Variants in DPP10 observed in about 807,000 individuals in gnomAD.
The protein encoded by DPP10 is dipeptidyl peptidase like 10.
DPP10 carries 33 observed loss-of-function variants against 120.9 expected under a neutral mutation model. The observed-to-expected ratio is 0.27, with a 90% confidence interval of 0.21 to 0.37. The LOEUF (loss-of-function observed/expected upper bound fraction) is 0.37, where lower values mean the gene tolerates loss of function less well. Ranked by LOEUF, DPP10 falls within the 10% of genes least tolerant of loss-of-function variation. DPP10 has a pLI of 1.00. For missense variants in DPP10, 816 were observed against 942.8 expected, an observed-to-expected ratio of 0.87 and a Z score of 1.76; for synonymous variants, 337 against 326.1, an observed-to-expected ratio of 1.03 and a Z score of -0.36.
chr2:115,782,999 A>G (rs1387839163), intron 17 of DPP10, among the ~76,000 whole-genome samples: 1 of 152,096 alleles, frequency 6.6e-6, no homozygotes, highest in Non-Finnish European at 1.5e-5. Context: ...AAATAAATGC[A>G]TGGTTGAGCT....
chr2:115,218,666 T>G (rs1230583771), intron 1 of DPP10, among the ~76,000 whole-genome samples: 1 of 152,064 alleles, frequency 6.6e-6, no homozygotes, highest in Non-Finnish European at 1.5e-5. Flanking sequence ...TGGCTCTCTT[T>G]CCATACCAGG....
intron 1 of DPP10, among the ~76,000 whole-genome samples, chr2:114,865,910 C>G (rs1690187238): frequency 6.6e-6 from 1 of 151,976 alleles, no homozygotes. Flanking sequence ...GTAGGGAGTT[C>G]AAGACCAGCC....
At chr2:114,518,988 A>G (rs925084917) in intron 1 of DPP10, among the ~76,000 whole-genome samples, 1 of 152,208 alleles carries the variant, frequency 6.6e-6, no homozygotes, top group Non-Finnish European at 1.5e-5. Flanking sequence ...GTTAGGCTTT[A>G]ACTTAAGACA....
At chr2:114,589,040 G>A (rs960609382) in intron 1 of DPP10, among the ~76,000 whole-genome samples, 2 of 118,370 alleles carry the variant, frequency 1.7e-5, no homozygotes, top group South Asian at 5.4e-4. Flanking sequence ...GTTTTTTTGG[G>A]GGGGGGGGTA....
intron 5 of DPP10, among the ~76,000 whole-genome samples, chr2:115,573,439 C>T (rs916887418): frequency 7.3e-5 from 11 of 151,348 alleles, no homozygotes; most frequent in Middle Eastern, 6.8e-3. Flanking sequence ...CCCGCCACCA[C>T]GCCCGGCTAA....
intron 5 of DPP10, among the ~76,000 whole-genome samples, chr2:115,592,146 A>G (rs2082701247): frequency 6.6e-6 from 1 of 152,196 alleles, no homozygotes; most frequent in Non-Finnish European, 1.5e-5. Flanking sequence ...TTTAATGTGT[A>G]CACGTGAGAG....
At chr2:115,296,479 T>G (rs1192489142) in intron 1 of DPP10, among the ~76,000 whole-genome samples, 11 of 152,050 alleles carry the variant, frequency 7.2e-5, no homozygotes. Context: ...CACACCTTGT[T>G]CATCTTGAAG....
chr2:115,799,444 A>G (rs557596698), intron 19 of DPP10, among the ~76,000 whole-genome samples: 1 of 150,256 alleles, frequency 6.7e-6, no homozygotes, highest in South Asian at 2.1e-4. Context: ...TTTTATTAAT[A>G]TTATTATACT....
At chr2:114,961,066 T>TTTTTTTTTTTTTTTTTTTTTTTTG in intron 1 of DPP10, among the ~76,000 whole-genome samples, 1 of 72,520 alleles carries the variant, frequency 1.4e-5, no homozygotes, top group Non-Finnish European at 2.7e-5. Context: ...TTTTTTTTTT[T>TTTTTTTTTTTTTTTTTTTTTTTTG]TTTTGGCAGA....
chr2:114,479,317 G>A (rs10193990), intron 1 of DPP10, among the ~76,000 whole-genome samples: 2,946 of 151,598 alleles, frequency 0.019, 97 homozygotes, highest in African/African-American at 0.067. Context: ...TGAAATATGA[G>A]GAATCATTCT....
chr2:114,605,593 G>T (rs116633655), intron 1 of DPP10, among the ~76,000 whole-genome samples: 1 of 152,066 alleles, frequency 6.6e-6, no homozygotes. Flanking sequence ...TAGGCTACTC[G>T]TAGTTAAGTT....
chr2:115,142,570 A>G lies in DPP10; in HGVS notation c.61-166669A>G, dbSNP rs141592177. ...ATTTACTGCAGCTTTGAAAAACACG[A>G]ACTGAAAATCAGGGGTGAGTGTGGC... is the stretch of plus-strand genomic sequence containing the variant. On this transcript the variant is annotated intron_variant, in intron 1 of 25. Transcript: ENST00000410059. Among the ~76,000 whole-genome samples, 252 of 152,324 alleles carry G rather than the reference A, an allele frequency of 1.7e-3. 7 individuals carry two copies. Among genetic ancestry groups the G allele is most frequent in the African/African-American group, 5.6e-3 (233 of 41,572 alleles).
intron 1 of DPP10, among the ~76,000 whole-genome samples, chr2:114,906,445 TATC>T (rs1693971499): frequency 6.6e-6 from 1 of 152,104 alleles, no homozygotes; most frequent in Non-Finnish European, 1.5e-5. Flanking sequence ...TTCCTCATCT[TATC>T]AGGATAATGT....
At chr2:114,566,628 T>C (rs1449825034) in intron 1 of DPP10, among the ~76,000 whole-genome samples, 2 of 152,192 alleles carry the variant, frequency 1.3e-5, no homozygotes, top group African/African-American at 4.8e-5. Context: ...TATTTTTAAT[T>C]CTGATTGAAT....
chr2:115,659,644 T>C (rs1484788119), intron 5 of DPP10, among the ~76,000 whole-genome samples: 1 of 152,202 alleles, frequency 6.6e-6, no homozygotes, highest in East Asian at 1.9e-4. Flanking sequence ...GGTATGTCCA[T>C]AGGTGTAAAA....
chr2:115,052,410 C>T (rs965247469), intron 1 of DPP10, among the ~76,000 whole-genome samples: 15 of 151,950 alleles, frequency 9.9e-5, no homozygotes, highest in Non-Finnish European at 1.9e-4. Context: ...TGAGAAATAA[C>T]GTTTGCAAAT....
chr2:115,317,577 C>A (rs1266452306), intron 2 of DPP10, among the ~76,000 whole-genome samples: 3 of 151,584 alleles, frequency 2.0e-5, no homozygotes, highest in African/African-American at 7.3e-5. Context: ...ACATTCCCAA[C>A]AGAAATATTC....
intron 5 of DPP10, among the ~76,000 whole-genome samples, chr2:115,686,696 G>A: frequency 6.6e-6 from 1 of 152,118 alleles, no homozygotes; most frequent in Middle Eastern, 3.4e-3. Context: ...TGATGGGATT[G>A]AATGATTGGA....
At chr2:114,927,412 G>T (rs964013329) in intron 1 of DPP10, among the ~76,000 whole-genome samples, 5 of 151,886 alleles carry the variant, frequency 3.3e-5, no homozygotes, top group Admixed American at 6.6e-5. Context: ...AGAGACATGA[G>T]ACATCAATCA....
Sources: allele counts gnomAD v4.1 joint callset (sites outside exome capture counted in the v4.1 genomes callset), GRCh38; gene constraint gnomAD v4.1.1; transcripts MANE v1.5; gene names NCBI Gene and HGNC (gene_info 2026-07-23, HGNC 2026-07-21).